Variants in SYNE1 observed in about 807,000 individuals in gnomAD.
The protein encoded by SYNE1 is nesprin-1.
A neutral mutation model predicts 1,111.0 loss-of-function variants in SYNE1; 616 were observed. The ratio of observed to expected loss-of-function variants is 0.55; its 90% CI spans 0.52 to 0.59. The LOEUF is 0.59. Ranked by LOEUF, SYNE1 falls within the 20% of genes least tolerant of loss-of-function variation. The pLI is 0.00. For missense variants in SYNE1, 10,006 were observed against 10,417.0 expected (o/e 0.96, Z 1.72); for synonymous variants, 3,855 against 3,825.8 (o/e 1.01, Z -0.28).
intron 133 of SYNE1, 33 bp from the exon 134 acceptor site, chr6:152,152,174 A>T: frequency 6.2e-7 from 1 of 1,605,922 alleles, no homozygotes. Context: ...CAGTGTGAGA[A>T]ATCAGCGAAG....
At chr6:152,375,734 T>C (rs1038500616) in intron 58 of SYNE1, among the ~76,000 whole-genome samples, 1 of 152,218 alleles carries the variant, frequency 6.6e-6, no homozygotes, top group African/African-American at 2.4e-5. Context: ...GAAATGGTTG[T>C]TGTGAAAATT....
intron 31 of SYNE1, among the ~76,000 whole-genome samples, chr6:152,441,850 C>A (rs904812623): frequency 6.6e-6 from 1 of 152,150 alleles, no homozygotes; most frequent in Non-Finnish European, 1.5e-5. Context: ...AGCACCTAGT[C>A]CTCAAACTCT....
chr6:152,194,425 T>G (rs1309006834), intron 127 of SYNE1, among the ~76,000 whole-genome samples: 1 of 152,210 alleles, frequency 6.6e-6, no homozygotes, highest in Non-Finnish European at 1.5e-5. Flanking sequence ...TTGCTGCTTT[T>G]AGGATCCTTT....
At chr6:152,626,288 T>C (rs1247047162) in intron 3 of SYNE1, among the ~76,000 whole-genome samples, 1 of 129,278 alleles carries the variant, frequency 7.7e-6, no homozygotes, top group African/African-American at 2.5e-5. Context: ...GGTCAAGATG[T>C]ATGTCATCCA....
chr6:152,462,413 G>T, intron 20 of SYNE1: 1 of 434,060 alleles, frequency 2.3e-6, no homozygotes, highest in South Asian at 4.6e-5. Context: ...CACAGTTCAT[G>T]CAATAAATCC....
intron 37 of SYNE1, 149 bp downstream of exon 37, chr6:152,428,056 C>T (rs1288592129): frequency 3.3e-6 from 4 of 1,194,222 alleles, no homozygotes; most frequent in Non-Finnish European, 4.9e-6. Context: ...GGAATCTTTG[C>T]CTTATAACAA....
intron 96 of SYNE1, among the ~76,000 whole-genome samples, chr6:152,283,531 G>C (rs1050763437): frequency 6.6e-6 from 1 of 152,086 alleles, no homozygotes; most frequent in East Asian, 1.9e-4. Context: ...TGTTTTGTTT[G>C]TTTGTTTGTT....
chr6:152,300,836 T>C, intron 92 of SYNE1, 55 bp from the exon 93 acceptor site: 2 of 1,613,296 alleles, frequency 1.2e-6, no homozygotes, highest in Non-Finnish European at 1.7e-6. Context: ...TATGTTAACA[T>C]AAGTCCTGTT....
At chr6:152,389,334 T>C (rs1037976693) in intron 53 of SYNE1, among the ~76,000 whole-genome samples, 2 of 152,164 alleles carry the variant, frequency 1.3e-5, no homozygotes, top group African/African-American at 4.8e-5. Flanking sequence ...CAGTTATTTT[T>C]GCTGCTCCTC....
intron 3 of SYNE1, among the ~76,000 whole-genome samples, chr6:152,563,170 T>C (rs1318182851): frequency 6.6e-6 from 1 of 152,100 alleles, no homozygotes; most frequent in African/African-American, 2.4e-5. Context: ...GTTTTTATCA[T>C]ATCTCACCTA....
chr6:152,309,867 G>T lies in SYNE1; in HGVS notation c.17170C>A (p.His5724Asn). ...ATGTTACACTGCTGGATGGCGGTGT[G>T]CTGCAGCCGGCTGGCCTCTTCCTGC... ...RLQEEASRLQ[H>N]TAIQQCNIMQ... Residue 5724 changes from histidine (H) to asparagine (N), a missense_variant, in exon 90 of 146, where the codon CAC becomes AAC. Physicochemically the swap from His to Asn is moderately conservative, Grantham distance 68. This residue lies in a region of SYNE1 where 4,955 missense variants were observed against 5,017.2 expected (regional missense o/e 0.99). Transcript: ENST00000367255. 3 of 1,614,030 alleles carry T rather than the reference G, an allele frequency of 1.9e-6. No homozygotes were observed. The highest frequency in any genetic ancestry group is 2.5e-6 in the Non-Finnish European group (3 of 1,180,024).
chr6:152,326,599 C>T lies in SYNE1; in HGVS notation c.14990G>A (p.Arg4997Lys), dbSNP rs755654863. ...GGCTGCTTGAAATACCTGATAATAC[C>T]TTTGACACTGGCTATATATTTCAGT... The part of the protein sequence containing the change: ...TLTEIYSQCQ[R>K]YYQVFQAAND... The change falls in exon 79 of 146, where the codon AGG becomes AAG. Residue 4997 changes from arginine to lysine, a missense_variant. Coordinates refer to ENST00000367255, the MANE Select transcript of SYNE1 (RefSeq NM_182961.4). 6.8e-6 allele frequency: 11 copies of T among 1,614,020 alleles called. No homozygotes were observed. Among genetic ancestry groups the T allele is most frequent in the African/African-American group, 4.0e-5 (3 of 74,938 alleles).
At chr6:152,323,868 A>G in intron 81 of SYNE1, 131 bp from the exon 82 acceptor site, 1 of 1,088,888 alleles carries the variant, frequency 9.2e-7, no homozygotes, top group Non-Finnish European at 1.3e-6. Context: ...ACATGTTAGG[A>G]AACTGGAACC....
chr6:152,566,410 A>T (rs1220682767), intron 3 of SYNE1, among the ~76,000 whole-genome samples: 1 of 147,488 alleles, frequency 6.8e-6, no homozygotes, highest in African/African-American at 2.5e-5. Context: ...GAGAAAAAAA[A>T]TCCACATTAA....
chr6:152,406,483 C>CA (rs34312248), intron 45 of SYNE1, among the ~76,000 whole-genome samples: 299 of 137,578 alleles, frequency 2.2e-3, no homozygotes, highest in South Asian at 3.2e-3. Flanking sequence ...GATAAAAATG[C>CA]AAAAAAAAAA....
At position 152,218,311 on chromosome 6, in the gene SYNE1, G is replaced by C. The variant is rs148556501; in HGVS notation, c.22137C>G (p.Asp7379Glu). ...VEAEEILQGQ[D>E]PSHSSDLSTI... ...TGGAGAGGTCAGATGAGTGGCTAGG[G>C]TCCTGCCCTTGTAGTATTTCTTCAG... The change falls in exon 121 of 146, where the codon GAC becomes GAG. Residue 7379 changes from aspartate to glutamate, a missense_variant. Asp to Glu is a conservative substitution (Grantham distance 45, BLOSUM62 2). Coordinates refer to ENST00000367255, the MANE Select transcript of SYNE1 (RefSeq NM_182961.4). The C allele has an allele frequency of 6.2e-7, 1 of 1,613,882 alleles. No homozygotes were observed. The highest frequency in any genetic ancestry group is 8.5e-7 in the Non-Finnish European group (1 of 1,179,972).
rs545600535 is a variant in SYNE1 at position 152,401,616 on chromosome 6, G to T, written c.6826-275C>A. On this transcript the variant is annotated intron_variant, in intron 46 of 145. Transcript: ENST00000367255. ...GAGGTTCCAGGGAAGATGTGAGAGG[G>T]CATTCTGAAAGTAGAGCTAGACCTA... Among the ~76,000 whole-genome samples, 6 of 152,320 alleles carry T rather than the reference G, an allele frequency of 3.9e-5. No individual in the cohort carries two copies. In the South Asian group the frequency reaches 1.2e-3, roughly 32 times the overall value.
chr6:152,433,479 C>A, intron 34 of SYNE1: 1 of 358,872 alleles, frequency 2.8e-6, no homozygotes, highest in Non-Finnish European at 5.2e-6. Flanking sequence ...GTATAATGAA[C>A]CGGCAGAGCA....
Position 152,242,433 on chromosome 6 carries a change from T to C in SYNE1, c.19700A>G (p.Tyr6567Cys). 1 of 1,614,058 alleles carries C rather than the reference T, an allele frequency of 6.2e-7. No homozygotes were observed. Among genetic ancestry groups the C allele is most frequent in the East Asian group, 2.2e-5 (1 of 44,856 alleles). Residue 6567 changes from tyrosine to cysteine, a missense_variant, in exon 107 of 146, where the codon TAT becomes TGT. Physicochemically the swap from Tyr to Cys is radical, Grantham distance 194. Transcript: ENST00000367255. ...MQELSKLQDM[Y>C]DELMMIIGSR... ...GCCAATGATCATCATCAGCTCATCA[T>C]ACATGTCCTAAGAAGCAGAGACCAC...
Sources: allele counts gnomAD v4.1 joint callset (sites outside exome capture counted in the v4.1 genomes callset), GRCh38; gene constraint gnomAD v4.1.1; regional missense constraint gnomAD v4.1.1; transcripts MANE v1.5; gene names NCBI Gene and HGNC (gene_info 2026-07-23, HGNC 2026-07-21).